The following SLC14A2 variants were observed in gnomAD, a reference collection of about 807,000 sequenced individuals.
The protein encoded by SLC14A2 is solute carrier family 14 member 2.
In SLC14A2, 91 loss-of-function variants were observed where a neutral mutation model predicts 104.6. The observed-to-expected ratio is 0.87, with a 90% confidence interval of 0.73 to 1.04. The LOEUF (loss-of-function observed/expected upper bound fraction) is 1.04. Ranked by LOEUF, SLC14A2 falls within the 50% of genes least tolerant of loss-of-function variation. SLC14A2 has a pLI of 0.00. For synonymous variants in SLC14A2, 476 were observed against 466.4 expected (o/e 1.02, Z -0.27); for missense variants, 1,189 against 1,156.0 (o/e 1.03, Z -0.41).
intron 1 of SLC14A2, among the ~76,000 whole-genome samples, chr18:45,409,995 C>T (rs1291734506): frequency 6.6e-6 from 1 of 152,052 alleles, no homozygotes; most frequent in Admixed American, 6.6e-5. Context: ...CTAGTTGGTC[C>T]TATGCTGGGG....
At chr18:45,477,138 T>C (rs2087397028) in intron 1 of SLC14A2, among the ~76,000 whole-genome samples, 1 of 152,230 alleles carries the variant, frequency 6.6e-6, no homozygotes, top group Admixed American at 6.5e-5. Flanking sequence ...TGGTCTTTGA[T>C]GTTGGTGACC....
At chr18:45,310,300 C>T (rs1050783652) in intron 1 of SLC14A2, among the ~76,000 whole-genome samples, 1 of 152,168 alleles carries the variant, frequency 6.6e-6, no homozygotes, top group Non-Finnish European at 1.5e-5. Context: ...TTATGCCCAC[C>T]AGCAGTCACT....
chr18:45,463,428 G>A (rs1162947615), intron 1 of SLC14A2, among the ~76,000 whole-genome samples: 1 of 152,158 alleles, frequency 6.6e-6, no homozygotes, highest in Non-Finnish European at 1.5e-5. Flanking sequence ...GAGATGATGA[G>A]GGGGGAGCCT....
intron 2 of SLC14A2, among the ~76,000 whole-genome samples, chr18:45,594,312 C>A (rs1426002590): frequency 6.6e-6 from 1 of 152,194 alleles, no homozygotes; most frequent in African/African-American, 2.4e-5. Context: ...GTGTAAGACA[C>A]ATCAAAGAAT....
At chr18:45,340,336 T>C (rs1365801988) in intron 1 of SLC14A2, among the ~76,000 whole-genome samples, 2 of 152,220 alleles carry the variant, frequency 1.3e-5, no homozygotes, top group Non-Finnish European at 2.9e-5. Flanking sequence ...AGGGCTTTTC[T>C]CTATGTTATC....
At chr18:45,478,615 G>T (rs2087430838) in intron 1 of SLC14A2, among the ~76,000 whole-genome samples, 1 of 152,150 alleles carries the variant, frequency 6.6e-6, no homozygotes, top group African/African-American at 2.4e-5. Flanking sequence ...ACTGAGATAA[G>T]CTCTTTCTTA....
chr18:45,640,137 G>T (rs756852566), intron 7 of SLC14A2, among the ~76,000 whole-genome samples: 1 of 152,078 alleles, frequency 6.6e-6, no homozygotes, highest in African/African-American at 2.4e-5. Context: ...TTAGCTGGGT[G>T]TGGTGGTGGG....
intron 1 of SLC14A2, among the ~76,000 whole-genome samples, chr18:45,461,779 A>G (rs2087049732): frequency 1.3e-5 from 2 of 152,240 alleles, no homozygotes; most frequent in Admixed American, 6.5e-5. Context: ...TGGGTTAAGG[A>G]GAATTACTCA....
intron 1 of SLC14A2, among the ~76,000 whole-genome samples, chr18:45,223,854 C>G (rs958227975): frequency 6.6e-6 from 1 of 152,168 alleles, no homozygotes; most frequent in African/African-American, 2.4e-5. Flanking sequence ...CTCTCTGGGG[C>G]AACTCCAGGG....
intron 2 of SLC14A2, among the ~76,000 whole-genome samples, chr18:45,604,151 T>A (rs2044830507): frequency 6.6e-6 from 1 of 152,158 alleles, no homozygotes; most frequent in African/African-American, 2.4e-5. Flanking sequence ...ATTTTGTCAA[T>A]CCCCGTGGTT....
chr18:45,265,242 A>G (rs990479237), intron 1 of SLC14A2, among the ~76,000 whole-genome samples: 2 of 152,236 alleles, frequency 1.3e-5, no homozygotes, highest in East Asian at 3.8e-4. Context: ...GCTCTTATGT[A>G]GAATAGGAAT....
chr18:45,224,363 G>A (rs2084093194), intron 1 of SLC14A2, among the ~76,000 whole-genome samples: 1 of 152,246 alleles, frequency 6.6e-6, no homozygotes. Context: ...GTGGGAGTAA[G>A]AACAGCAACC....
intron 1 of SLC14A2, among the ~76,000 whole-genome samples, chr18:45,244,636 G>C (rs2144059067): frequency 6.6e-6 from 1 of 151,968 alleles, no homozygotes; most frequent in East Asian, 1.9e-4. Flanking sequence ...AAAAGAAAAA[G>C]GAGTGGGGGG....
chr18:45,444,144 T>C (rs1400990492), intron 1 of SLC14A2, among the ~76,000 whole-genome samples: 1 of 152,212 alleles, frequency 6.6e-6, no homozygotes, highest in African/African-American at 2.4e-5. Flanking sequence ...AGGCAGACTT[T>C]TGTGCGTGTA....
At chr18:45,172,479 G>A in the SLC14A2 span, among the ~76,000 whole-genome samples, 1 of 152,046 alleles carries the variant, frequency 6.6e-6, no homozygotes, top group South Asian at 2.1e-4. Context: ...TATGTCTTGT[G>A]GATGGTTATC....
At chr18:45,517,444 G>T (rs959046786) in intron 2 of SLC14A2, among the ~76,000 whole-genome samples, 3 of 152,148 alleles carry the variant, frequency 2.0e-5, no homozygotes, top group Admixed American at 1.3e-4. Flanking sequence ...GGTAACCCTT[G>T]GAAGTGACAT....
intron 1 of SLC14A2, 25 bp from the exon 2 acceptor site, chr18:45,624,606 G>A: frequency 6.4e-7 from 1 of 1,554,182 alleles, no homozygotes; most frequent in Non-Finnish European, 8.7e-7. Flanking sequence ...TGACTCACTA[G>A]CTCTTTCCCT....
chr18:45,355,914 G>A (rs1272842317), intron 1 of SLC14A2, among the ~76,000 whole-genome samples: 1 of 152,166 alleles, frequency 6.6e-6, no homozygotes, highest in Non-Finnish European at 1.5e-5. Context: ...GTATAAGGCA[G>A]GAGCTGAATA....
chr18:45,194,394 C>T, the SLC14A2 span, among the ~76,000 whole-genome samples: 65,600 of 151,896 alleles, frequency 0.43, 14,688 homozygotes, highest in East Asian at 0.76. Context: ...TGACAGTTAT[C>T]GGAAATAGAT....
Sources: gnomAD v4.1 joint callset for allele counts (sites outside exome capture counted in the v4.1 genomes callset) on GRCh38, gnomAD v4.1.1 for gene constraint, MANE v1.5 for transcripts, NCBI Gene and HGNC (gene_info 2026-07-23, HGNC 2026-07-21) for gene names.